SPATA1: variants seen among roughly 807,000 people sequenced by gnomAD.
SPATA1 encodes the protein spermatogenesis-associated protein 1.
Under a neutral mutation model 59.6 loss-of-function variants are expected in SPATA1, and 57 were observed. The observed-to-expected ratio is 0.96, with a 90% confidence interval of 0.77 to 1.19. The LOEUF (loss-of-function observed/expected upper bound fraction) is 1.19, where lower values mean the gene tolerates loss of function less well. Among genes scored for constraint, SPATA1 ranks in the 50% most tolerant of loss-of-function variants. SPATA1 has a pLI of 0.00. For missense variants in SPATA1, 448 were observed against 480.7 expected (o/e 0.93, Z 0.64); for synonymous variants, 147 against 163.9 (o/e 0.90, Z 0.79).
downstream of SPATA1, among the ~76,000 whole-genome samples, chr1:84,558,352 G>C (rs911665318): frequency 6.6e-6 from 1 of 150,804 alleles, no homozygotes; most frequent in Non-Finnish European, 1.5e-5. Flanking sequence ...TGCAGTGGCG[G>C]GATCTCGGCT....
At position 84,550,080 on chromosome 1, in the gene SPATA1, TATC is replaced by T. The variant is rs1388495234; in HGVS notation, c.1126-349_1126-347del. 16 of 153,182 alleles carry T rather than the reference TATC, an allele frequency of 1.0e-4. No individual in the cohort carries two copies. The East Asian group carries it at 1.9e-3, about 18-fold the overall frequency. The allele number at this position is 153,182 out of a possible 1,614,324, so 9.5% of individuals were successfully genotyped here. On this transcript the variant is annotated intron_variant, in intron 11 of 12. Transcript: ENST00000490879. ...ATTAGTTTTTGCATATAAAATATAG[TATC>T]ATATTATTAAGTATTTTAAAATAAT...
chr1:84,542,541 C>T (rs1246637464), intron 8 of SPATA1, among the ~76,000 whole-genome samples: 1 of 152,042 alleles, frequency 6.6e-6, no homozygotes, highest in Non-Finnish European at 1.5e-5. Flanking sequence ...AGGTAGAGCC[C>T]TCTCTTTCCA....
chr1:84,515,840 TAAC>T (rs1682774040), intron 1 of SPATA1, among the ~76,000 whole-genome samples: 1 of 152,196 alleles, frequency 6.6e-6, no homozygotes, highest in East Asian at 1.9e-4. Context: ...ATAGCCATTT[TAAC>T]TAGCCAAGAG....
chr1:84,540,069 A>G (rs879700477), intron 8 of SPATA1, among the ~76,000 whole-genome samples: 1 of 152,070 alleles, frequency 6.6e-6, no homozygotes, highest in Admixed American at 6.6e-5. Flanking sequence ...ATATATTCCC[A>G]TTCTCGACTC....
At chr1:84,563,452 T>TCAATTATG (rs755345734) in intron 4 of SPATA1, 3 of 1,404,700 alleles carry the variant, frequency 2.1e-6, no homozygotes, top group Non-Finnish European at 2.8e-6. Context: ...TTATATATTA[T>TCAATTATG]CAATTATGCA....
chr1:84,550,354 A>G, intron 11 of SPATA1, 78 bp from the exon 12 acceptor site: 1 of 620,938 alleles, frequency 1.6e-6, no homozygotes. Flanking sequence ...TTATCATTTC[A>G]TAGTTTATGT....
chr1:84,565,033 T>C (rs1158196649), intron 4 of SPATA1, among the ~76,000 whole-genome samples: 1 of 151,730 alleles, frequency 6.6e-6, no homozygotes, highest in Non-Finnish European at 1.5e-5. Context: ...AGCAAGACTC[T>C]GTCTCAGAAA....
chr1:84,557,892 C>G (rs1407873393), downstream of SPATA1, among the ~76,000 whole-genome samples: 2 of 151,058 alleles, frequency 1.3e-5, no homozygotes, highest in Admixed American at 6.6e-5. Context: ...ACAGTTATAA[C>G]TAGATTTTTT....
intron 4 of SPATA1, among the ~76,000 whole-genome samples, chr1:84,565,611 T>A (rs983255615): frequency 2.6e-5 from 4 of 152,210 alleles, no homozygotes; most frequent in Non-Finnish European, 5.9e-5. Context: ...TTATCTCATC[T>A]AGAAATATAC....
exon 13 of SPATA1, chr1:84,554,356 A>T (rs1243534269): frequency 3.9e-5 from 6 of 152,188 alleles, no homozygotes; most frequent in Admixed American, 3.9e-4. Flanking sequence ...CCAATTCAAA[A>T]TATTACTGTT....
intron 7 of SPATA1, 132 bp from the exon 8 acceptor site, chr1:84,533,577 T>C (rs1683556971): frequency 1.5e-6 from 1 of 681,410 alleles, no homozygotes; most frequent in Non-Finnish European, 2.6e-6. Flanking sequence ...CATATGATAA[T>C]GGTCTCAGGC....
intron 6 of SPATA1, 90 bp downstream of exon 6, chr1:84,526,163 C>A (rs1237327854): frequency 9.3e-7 from 1 of 1,079,638 alleles, no homozygotes; most frequent in Non-Finnish European, 1.3e-6. Context: ...GCAAACCTAG[C>A]CTTACAAATA....
At chr1:84,555,125 T>C (rs1034087870), downstream of SPATA1, 7 of 1,614,034 alleles carry the variant, frequency 4.3e-6, no homozygotes, top group Non-Finnish European at 5.9e-6. Flanking sequence ...AGCGATAGTT[T>C]TGTATATATG....
chr1:84,549,783 A>G (rs904560657), intron 11 of SPATA1: 2 of 152,064 alleles, frequency 1.3e-5, no homozygotes, highest in African/African-American at 4.8e-5. Flanking sequence ...ACTTTAGACA[A>G]GATGAAATAT....
chr1:84,516,994 C>T (rs189489393), intron 2 of SPATA1, among the ~76,000 whole-genome samples: 15 of 152,082 alleles, frequency 9.9e-5, no homozygotes, highest in Non-Finnish European at 1.9e-4. Context: ...CCCCCAATAC[C>T]TTCTCTCTAT....
intron 12 of SPATA1, chr1:84,551,781 T>A (rs905854712): frequency 5.9e-5 from 9 of 152,150 alleles, no homozygotes; most frequent in Admixed American, 3.9e-4. Context: ...AGGAAAACTG[T>A]CTATTCAATA....
chr1:84,553,491 T>G (rs1408087581), exon 13 of SPATA1: 1 of 152,210 alleles, frequency 6.6e-6, no homozygotes, highest in African/African-American at 2.4e-5. Flanking sequence ...TATATTTGCA[T>G]GAAAATACAG....
chr1:84,533,451 G>A (rs1350001553), intron 7 of SPATA1, among the ~76,000 whole-genome samples: 1 of 151,986 alleles, frequency 6.6e-6, no homozygotes, highest in Non-Finnish European at 1.5e-5. Flanking sequence ...AAAATTTCAA[G>A]TAATTTTATC....
chr1:84,555,086 G>A (rs138861244), downstream of SPATA1: 7,080 of 1,613,946 alleles, frequency 4.4e-3, 75 homozygotes, highest in South Asian at 0.028. Context: ...AGTCAAGACA[G>A]TTTGCATTCC....
Sources: allele counts gnomAD v4.1 joint callset (sites outside exome capture counted in the v4.1 genomes callset), GRCh38; gene constraint gnomAD v4.1.1; transcripts MANE v1.5; gene names NCBI Gene and HGNC (gene_info 2026-07-23, HGNC 2026-07-21).